The following ACADVL variants were observed in gnomAD, a reference collection of about 807,000 sequenced individuals.
The protein encoded by ACADVL is very long-chain acyl-CoA dehydrogenase, mitochondrial.
ACADVL carries 73 observed loss-of-function variants against 80.4 expected under a neutral mutation model. That is an observed-to-expected ratio of 0.91 (90% CI 0.75 to 1.10). The LOEUF is 1.10. Ranked by LOEUF, ACADVL falls within the 50% of genes least tolerant of loss-of-function variation. The pLI is 0.00. For synonymous variants in ACADVL, 392 were observed against 326.5 expected (o/e 1.20, Z -2.16); for missense variants, 878 against 858.9 (o/e 1.02, Z -0.28).
At chr17:7,218,321 G>A (rs201089574), upstream of ACADVL, 6 of 1,584,128 alleles carry the variant, frequency 3.8e-6, no homozygotes, top group Admixed American at 8.8e-5. Flanking sequence ...CCCACCCCAG[G>A]CCTCTCCAGG....
At chr17:7,217,613 AG>A, upstream of ACADVL, 1 of 1,211,590 alleles carries the variant, frequency 8.3e-7, no homozygotes, top group Non-Finnish European at 1.1e-6. Context: ...CGAAGAGGGA[AG>A]GGGAGAGAGG....
upstream of ACADVL, chr17:7,219,374 G>A (rs2071078335): frequency 9.9e-7 from 1 of 1,011,434 alleles, no homozygotes; most frequent in Non-Finnish European, 1.2e-6. Flanking sequence ...CTTTACTAAG[G>A]GAGGGGCAGT....
At chr17:7,218,848 ATC>A (rs1479313578), upstream of ACADVL, 1 of 1,613,566 alleles carries the variant, frequency 6.2e-7, no homozygotes, top group South Asian at 1.1e-5. Context: ...TCTCTGGGAC[ATC>A]TCTCTCTTCT....
At chr17:7,219,010 C>A, upstream of ACADVL, 1 of 734,640 alleles carries the variant, frequency 1.4e-6, no homozygotes, top group Non-Finnish European at 2.3e-6. Context: ...CCATCTTGCT[C>A]CACACACCCT....
chr17:7,217,139 A>G (rs2070954436), upstream of ACADVL: 1 of 1,300,890 alleles, frequency 7.7e-7, no homozygotes, highest in Non-Finnish European at 9.8e-7. Flanking sequence ...CTATACAGAG[A>G]CAGTCCATGT....
At chr17:7,224,106 G>A in intron 14 of ACADVL, 37 bp downstream of exon 14, 3 of 1,613,724 alleles carry the variant, frequency 1.9e-6, no homozygotes, top group South Asian at 1.1e-5. Flanking sequence ...GAGGTGGGGA[G>A]GACAGTGAGT....
Position 7,224,726 on chromosome 17 carries a change from G to A in ACADVL, c.1751+12G>A, listed in dbSNP as rs1380275062. On this transcript the variant is annotated intron_variant, in intron 18 of 19. Transcript: ENST00000356839. ...GTGGTTCTCTCGAGGTGAGGAGGCA[G>A]GCAGGGAATGCCTGAGCCGCAGGGG... 9 of 1,607,492 alleles carry A rather than the reference G, an allele frequency of 5.6e-6. No homozygotes were observed. The highest frequency in any genetic ancestry group is 6.8e-6 in the Non-Finnish European group (8 of 1,177,192).
upstream of ACADVL, chr17:7,218,336 T>C (rs867936823): frequency 1.3e-6 from 2 of 1,554,404 alleles, no homozygotes; most frequent in Admixed American, 1.8e-5. Flanking sequence ...TCCAGGCACA[T>C]CACCCCTGTC....
chr17:7,217,767 G>A (rs1287359264), upstream of ACADVL: 3 of 1,535,354 alleles, frequency 2.0e-6, no homozygotes, highest in Admixed American at 5.9e-5. Flanking sequence ...AGGCCCCTGA[G>A]GCAAACATGG....
upstream of ACADVL, chr17:7,219,439 A>G (rs2071080359): frequency 9.8e-7 from 1 of 1,017,306 alleles, no homozygotes; most frequent in Middle Eastern, 5.0e-4. Context: ...GAGTTAGTGA[A>G]TGGCCTACAT....
At position 7,221,432 on chromosome 17, in the gene ACADVL, T is replaced by C. The variant is rs7503586; in HGVS notation, c.478-106T>C. 2.3e-3 allele frequency: 442 copies of C among 194,684 alleles called. 5 individuals are homozygous for C. The highest frequency in any genetic ancestry group is 3.5e-3 in the Middle Eastern group (1 of 288). 12.1% of individuals were successfully genotyped at this position (194,684 alleles called of 1,614,324 possible). A position where few individuals can be genotyped will look rare whatever the true frequency, so the allele number is the denominator to read the frequency against. ...GGCCCAGGTCAGGCACTGCCCTAGG[T>C]CAGGAACTGCCCTAGGTCAGGAACT... On this transcript the variant is annotated intron_variant, in intron 6 of 19. Transcript: ENST00000356839.
In ACADVL at chr17:7,220,901, G is replaced by A. The variant is rs781064781; in HGVS notation, c.343-23G>A. 8 of 1,614,116 alleles carry A rather than the reference G, an allele frequency of 5.0e-6. No homozygotes were observed. Among genetic ancestry groups the A allele is most frequent in the Admixed American group, 1.7e-5 (1 of 60,030 alleles). ...TGTTAAGCTCAAAAGGAGCCTGGATGTGGGATCCTGTGCCTTCCCCAGGAA... is the reference window on the plus strand; with the variant it reads ...TGTTAAGCTCAAAAGGAGCCTGGATATGGGATCCTGTGCCTTCCCCAGGAA... On this transcript the variant is annotated intron_variant, in intron 5 of 19. Transcript: ENST00000356839.
intron 11 of ACADVL, 38 bp downstream of exon 11, chr17:7,223,275 G>A (rs548779427): frequency 3.2e-5 from 51 of 1,573,036 alleles, no homozygotes; most frequent in Non-Finnish European, 4.0e-5. Context: ...GGAGCCCTGG[G>A]GCTTTCTTCC....
chr17:7,220,354 T>G, intron 2 of ACADVL, 110 bp from the exon 3 acceptor site: 1 of 1,570,934 alleles, frequency 6.4e-7, no homozygotes, highest in Non-Finnish European at 8.7e-7. Context: ...AGGGCGAAAC[T>G]AGGGGAAAGG....
chr17:7,224,380 G>C lies in ACADVL; in HGVS notation c.1592G>C (p.Arg531Pro), dbSNP rs772763960. The change falls in exon 16 of 20, where the codon CGG (arginine) becomes CCG (proline). Residue 531 changes from arginine (R) to proline (P), a missense_variant. Coordinates refer to ENST00000356839, the MANE Select transcript of ACADVL (RefSeq NM_000018.4). ...LSGLVHPELS[R>P]SGELAVRALE... Reference sequence around the variant, plus strand: ...GGACTTGTCCACCCGGAGTTGAGTCGGAGTGGCGAGCTGGTAAGTGGCCAG... The same window carrying C: ...GGACTTGTCCACCCGGAGTTGAGTCCGAGTGGCGAGCTGGTAAGTGGCCAG... The C allele has an allele frequency of 6.2e-7, 1 of 1,613,802 alleles. No individual in the cohort carries two copies. The highest frequency in any genetic ancestry group is 8.5e-7 in the Non-Finnish European group (1 of 1,179,914).
chr17:7,221,002 G>T lies in ACADVL; in HGVS notation c.421G>T (p.Ala141Ser), dbSNP rs1175506610. 2.5e-6 allele frequency: 4 copies of T among 1,613,962 alleles called. No individual in the cohort carries two copies. Among genetic ancestry groups the T allele is most frequent in the South Asian group, 1.1e-5 (1 of 91,084 alleles). Reference sequence around the variant, plus strand: ...TTGGCAGGGCCTCAAGGAGCTGGGGGCCTTTGGTCTGCAAGTGCCCAGTGA... The same window carrying T: ...TTGGCAGGGCCTCAAGGAGCTGGGGTCCTTTGGTCTGCAAGTGCCCAGTGA... ...TTWQGLKELG[A>S]FGLQVPSELG... The change falls in exon 6 of 20, where the codon GCC becomes TCC. Residue 141 changes from alanine (A) to serine (S), a missense_variant. Physicochemically the swap from Ala to Ser is moderately conservative, Grantham distance 99. Coordinates refer to ENST00000356839, the MANE Select transcript of ACADVL (RefSeq NM_000018.4).
At chr17:7,221,906 T>C (rs377266209) in intron 7 of ACADVL, 46 bp from the exon 8 acceptor site, 25 of 1,613,620 alleles carry the variant, frequency 1.5e-5, no homozygotes, top group Middle Eastern at 1.6e-4. Flanking sequence ...CGAGGGGACT[T>C]TGAAGCTCAT....
At chr17:7,220,880 A>C in intron 5 of ACADVL, 44 bp from the exon 6 acceptor site, 1 of 1,614,044 alleles carries the variant, frequency 6.2e-7, no homozygotes, top group Non-Finnish European at 8.5e-7. Context: ...TGGAGATGTT[A>C]AGCTCAAAAG....
In ACADVL at chr17:7,223,696, A is replaced by G. The variant is rs2071339337; in HGVS notation, c.1235A>G (p.Gln412Arg). The change falls in exon 12 of 20, where the codon CAG (glutamine) becomes CGG (arginine). Residue 412 changes from glutamine to arginine, a missense_variant. Physicochemically the swap from Gln to Arg is conservative, Grantham distance 43 (BLOSUM62 1). Coordinates refer to ENST00000356839, the MANE Select transcript of ACADVL (RefSeq NM_000018.4). Reference protein sequence around the residue: ...ANMDQGATDFQIEAAISKIFG... With the variant: ...ANMDQGATDFRIEAAISKIFG... ...ATGGACCAGGGAGCCACGGACTTCC[A>G]GATAGAGGCCGCCATCAGCAAAATC... 1 of 1,613,994 alleles carries G rather than the reference A, an allele frequency of 6.2e-7. No individual in the cohort carries two copies. The highest frequency in any genetic ancestry group is 1.3e-5 in the African/African-American group (1 of 74,898).
Sources: allele counts gnomAD v4.1 joint callset, GRCh38; gene constraint gnomAD v4.1.1; transcripts MANE v1.5; gene names NCBI Gene and HGNC (gene_info 2026-07-23, HGNC 2026-07-21).